SLC9B2: variants seen among roughly 807,000 people sequenced by gnomAD.
The protein encoded by SLC9B2 is sodium/hydrogen exchanger 9B2.
A neutral mutation model predicts 52.2 loss-of-function variants in SLC9B2; 39 were observed. The observed-to-expected ratio is 0.75, with a 90% CI of 0.58 to 0.98. The LOEUF is 0.98. SLC9B2 is among the 50% of genes least tolerant of loss of function. The pLI is 0.00. For missense variants in SLC9B2, 626 were observed against 637.5 expected, an observed-to-expected ratio of 0.98 and a Z score of 0.19; for synonymous variants, 214 against 227.0, an observed-to-expected ratio of 0.94 and a Z score of 0.51.
Position 103,025,832 on chromosome 4 carries a change from CCAAT to C in SLC9B2, c.*534_*537del. ...CATGTACTTTAAAATTTTGGTGGGA[CCAAT>C]CAGTTACAGTAATTCAAAGAAAGGT... On this transcript the variant is annotated 3_prime_UTR_variant, in exon 12 of 12. Transcript: ENST00000394785. The C allele has an allele frequency of 6.6e-6, 1 of 151,782 alleles. No homozygotes were observed. The highest frequency in any genetic ancestry group is 1.5e-5 in the Non-Finnish European group (1 of 67,994). The allele number at this position is 151,782 out of a possible 1,614,324, so 9.4% of individuals were successfully genotyped here.
chr4:103,075,822 G>A (rs1049478455), intron 1 of SLC9B2, among the ~76,000 whole-genome samples: 2 of 152,112 alleles, frequency 1.3e-5, no homozygotes, highest in African/African-American at 4.8e-5. Flanking sequence ...TGACATGAAC[G>A]AGAAATAAGC....
At chr4:103,070,946 A>T (rs1306398211) in intron 1 of SLC9B2, among the ~76,000 whole-genome samples, 3 of 152,132 alleles carry the variant, frequency 2.0e-5, no homozygotes, top group Non-Finnish European at 2.9e-5. Flanking sequence ...AAGACTGTAT[A>T]AAAAAAGAAA....
At chr4:103,061,818 A>G (rs928763981) in intron 3 of SLC9B2, among the ~76,000 whole-genome samples, 2 of 152,144 alleles carry the variant, frequency 1.3e-5, no homozygotes, top group African/African-American at 4.8e-5. Flanking sequence ...ACATTTTTTC[A>G]GATGATGTCC....
chr4:103,069,289 T>C (rs528337372), intron 1 of SLC9B2, among the ~76,000 whole-genome samples: 215 of 152,258 alleles, frequency 1.4e-3, no homozygotes, highest in African/African-American at 4.9e-3. Context: ...CGAGATCAGG[T>C]TAAAGAGTTA....
chr4:103,069,362 T>C (rs751346443), intron 1 of SLC9B2, among the ~76,000 whole-genome samples: 4 of 152,196 alleles, frequency 2.6e-5, no homozygotes, highest in Non-Finnish European at 5.9e-5. Context: ...ACCCCAAATA[T>C]GGTAACTGAC....
chr4:103,065,432 T>A (rs1376187898), intron 3 of SLC9B2: 1 of 152,204 alleles, frequency 6.6e-6, no homozygotes. Flanking sequence ...TAGCTAAAAT[T>A]AGTCATTCCA....
At chr4:103,019,707 CG>C, downstream of SLC9B2, 1 of 985,500 alleles carries the variant, frequency 1.0e-6, no homozygotes, top group African/African-American at 1.7e-5. Flanking sequence ...CGCGAAAGCC[CG>C]GATAGACTTC....
At position 103,026,728 on chromosome 4, in the gene SLC9B2, C is replaced by T. The variant is rs1268845649; in HGVS notation, c.1393-137G>A. The T allele has an allele frequency of 7.0e-6, 5 of 714,528 alleles. No homozygotes were observed. In the East Asian group the frequency reaches 1.1e-4, roughly 16 times the overall value. 44.3% of individuals were successfully genotyped at this position (714,528 alleles called of 1,614,324 possible). On this transcript the variant is annotated intron_variant, in intron 11 of 11. Transcript: ENST00000394785. ...AAAGTTGTAAGCATCAGGAGATATA[C>T]CTAATGCTAAATGACGAGTTAATGG... is the stretch of plus-strand genomic sequence containing the variant.
intron 9 of SLC9B2, among the ~76,000 whole-genome samples, chr4:103,043,000 G>T (rs150485098): frequency 6.6e-6 from 1 of 151,724 alleles, no homozygotes; most frequent in African/African-American, 2.4e-5. Context: ...TATCTTGGCA[G>T]AAAACTAGAA....
intron 1 of SLC9B2, among the ~76,000 whole-genome samples, chr4:103,070,712 A>G (rs1033818886): frequency 6.6e-6 from 1 of 152,196 alleles, no homozygotes; most frequent in African/African-American, 2.4e-5. Context: ...AAATGCTGGG[A>G]TTACAGGCAT....
intron 3 of SLC9B2, among the ~76,000 whole-genome samples, chr4:103,058,611 A>G (rs1440877026): frequency 6.6e-6 from 1 of 152,148 alleles, no homozygotes; most frequent in Non-Finnish European, 1.5e-5. Context: ...CTTGTTACCC[A>G]GGCTGGTCTT....
chr4:103,049,063 T>C lies in SLC9B2; in HGVS notation c.586-43A>G, dbSNP rs74784377. On this transcript the variant is annotated intron_variant, in intron 5 of 11. Transcript: ENST00000394785. ...ACATCCTAATATAATCCTCTGAAGATGTGCAGAGAAGATGACCTTGAATGC... is the reference window on the plus strand; with the variant it reads ...ACATCCTAATATAATCCTCTGAAGACGTGCAGAGAAGATGACCTTGAATGC... 1.6e-4 allele frequency: 251 copies of C among 1,600,706 alleles called. No individual in the cohort carries two copies. In the African/African-American group the frequency reaches 3.1e-3, roughly 20 times the overall value.
At chr4:103,041,098 C>A (rs990072518) in intron 9 of SLC9B2, among the ~76,000 whole-genome samples, 13 of 152,068 alleles carry the variant, frequency 8.5e-5, no homozygotes, top group African/African-American at 1.2e-4. Context: ...TCAAAATGTT[C>A]ATATTATTTC....
At chr4:103,034,226 A>T (rs1329075467) in intron 9 of SLC9B2, among the ~76,000 whole-genome samples, 2 of 152,150 alleles carry the variant, frequency 1.3e-5, no homozygotes. Context: ...TATTCAATAA[A>T]CTGTGCTGGG....
rs1490332472 is a variant in SLC9B2, at chr4:103,026,112, T to C, written c.*258A>G. The C allele has an allele frequency of 6.1e-6, 2 of 325,892 alleles. No homozygotes were observed. Among genetic ancestry groups the C allele is most frequent in the African/African-American group, 4.2e-5 (2 of 47,332 alleles). The allele number at this position is 325,892 out of a possible 1,614,324, so 20.2% of individuals were successfully genotyped here. ...ATTAACTGTAAACTGTGGTAGTACA[T>C]TAAAGTAGATATGTCCTTATGCAAA... On this transcript the variant is annotated 3_prime_UTR_variant, in exon 12 of 12. Coordinates refer to ENST00000394785, the MANE Select transcript of SLC9B2 (RefSeq NM_178833.7).
downstream of SLC9B2, among the ~76,000 whole-genome samples, chr4:103,021,697 C>G (rs1350148648): frequency 6.6e-6 from 1 of 152,116 alleles, no homozygotes. Flanking sequence ...TCTGAAAGTA[C>G]TTCAATAAAA....
rs1553917193 is a variant in SLC9B2 at position 103,057,273 on chromosome 4, T to TACAC, written c.442+524_442+527dup. 2.1e-3 allele frequency among the ~76,000 whole-genome samples: 307 copies of TACAC among 143,258 alleles called. 1 individual carries two copies. Among genetic ancestry groups the TACAC allele is most frequent in the African/African-American group, 7.2e-3 (273 of 38,120 alleles). The allele number at this position is 143,258 out of a possible 152,430, so 94.0% of individuals were successfully genotyped here. On this transcript the variant is annotated intron_variant, in intron 4 of 11. Transcript: ENST00000394785. The stretch of plus-strand genomic sequence containing the variant: ...ATATATATATATATATATATATATA[T>TACAC]ACACACACACACACACATATATACA...
Position 103,076,650 on chromosome 4 carries a change from T to G in SLC9B2, c.-509A>C, listed in dbSNP as rs1451979236. ...CGCGCGGTCTTTCAGCTGCTTATCC[T>G]CCCTGGGCGGGTCCGCAGGCTTCTG... is the stretch of plus-strand genomic sequence containing the variant. On this transcript the variant is annotated 5_prime_UTR_variant, in exon 1 of 12. Coordinates refer to ENST00000394785, the MANE Select transcript of SLC9B2 (RefSeq NM_178833.7). 6.6e-6 allele frequency: 1 copy of G among 152,206 alleles called. No homozygotes were observed. Among genetic ancestry groups the G allele is most frequent in the East Asian group, 1.9e-4 (1 of 5,180 alleles). 9.4% of individuals were successfully genotyped at this position (152,206 alleles called of 1,614,324 possible).
intron 1 of SLC9B2, among the ~76,000 whole-genome samples, chr4:103,075,721 G>A (rs1747061538): frequency 1.3e-5 from 2 of 152,110 alleles, no homozygotes; most frequent in African/African-American, 4.8e-5. Flanking sequence ...GGACTCCAAG[G>A]TCTTAGGGGA....
Sources: allele counts gnomAD v4.1 joint callset (sites outside exome capture counted in the v4.1 genomes callset), GRCh38; gene constraint gnomAD v4.1.1; transcripts MANE v1.5; gene names NCBI Gene and HGNC (gene_info 2026-07-23, HGNC 2026-07-21).